The following INO80D variants were observed in gnomAD, a reference collection of about 807,000 sequenced individuals.
INO80D encodes the protein INO80 complex subunit D.
Under a neutral mutation model 87.6 loss-of-function variants are expected in INO80D, and 21 were observed. That is an observed-to-expected ratio of 0.24 (90% CI 0.17 to 0.35). The LOEUF (loss-of-function observed/expected upper bound fraction) is 0.35, where lower values mean the gene tolerates loss of function less well. Ranked by LOEUF, INO80D falls within the 10% of genes least tolerant of loss-of-function variation. The probability of loss-of-function intolerance (pLI) is 1.00; values close to 1 mark genes in which losing one functional copy is unlikely to be tolerated. For synonymous variants in INO80D, 440 were observed against 491.0 expected, an observed-to-expected ratio of 0.90 and a Z score of 1.37; for missense variants, 982 against 1,280.7, an observed-to-expected ratio of 0.77 and a Z score of 3.56.
intron 8 of INO80D, among the ~76,000 whole-genome samples, chr2:206,012,285 G>A (rs1190664293): frequency 2.6e-5 from 4 of 152,162 alleles, no homozygotes; most frequent in Non-Finnish European, 4.4e-5. Flanking sequence ...AGAATCTGGG[G>A]AGCAGTTCTG....
At chr2:206,055,794 CT>C (rs1158388967) in intron 4 of INO80D, among the ~76,000 whole-genome samples, 8 of 152,168 alleles carry the variant, frequency 5.3e-5, no homozygotes, top group East Asian at 1.9e-4. Flanking sequence ...CATATACAGA[CT>C]TTTTTTCTTG....
intron 4 of INO80D, among the ~76,000 whole-genome samples, chr2:206,048,265 G>A (rs1193574201): frequency 2.0e-5 from 3 of 152,094 alleles, no homozygotes; most frequent in African/African-American, 4.8e-5. Flanking sequence ...AAAGGGTCTC[G>A]ATCTGTTGCC....
chr2:206,084,981 A>G (rs1379893327), intron 1 of INO80D, among the ~76,000 whole-genome samples: 6 of 152,064 alleles, frequency 3.9e-5, no homozygotes, highest in African/African-American at 1.4e-4. Flanking sequence ...GGCTGGAGTT[A>G]GCAGCCCCGA....
At chr2:206,027,175 CACAGAG>C (rs1259007024) in intron 6 of INO80D, among the ~76,000 whole-genome samples, 1 of 152,040 alleles carries the variant, frequency 6.6e-6, no homozygotes, top group African/African-American at 2.4e-5. Context: ...CACACACACA[CACAGAG>C]AAAGACTAGA....
intron 8 of INO80D, among the ~76,000 whole-genome samples, chr2:206,016,557 C>A (rs1445640991): frequency 2.0e-5 from 3 of 152,166 alleles, no homozygotes; most frequent in Non-Finnish European, 4.4e-5. Flanking sequence ...GTTGGGAAGG[C>A]ATGATTACAA....
At position 206,062,769 on chromosome 2, in the gene INO80D, CA is replaced by C. The variant is rs771365459; in HGVS notation, c.218+29del. 6 of 1,552,338 alleles carry C rather than the reference CA, an allele frequency of 3.9e-6. No individual in the cohort carries two copies. The highest frequency in any genetic ancestry group is 5.2e-6 in the Non-Finnish European group (6 of 1,147,284). On this transcript the variant is annotated intron_variant, in intron 3 of 10. Transcript: ENST00000403263. The surrounding 1 kb of genome is among the most constrained non-coding windows in gnomAD (Gnocchi z 4.6). ...AAAATTCCAAGCCTGTTAATGAAAT[CA>C]AGGATTGATTCTCATGATTAGCCCT...
rs1690441725 is a variant in INO80D at position 206,085,765 on chromosome 2, C to T, written c.-124+136G>A. 1 of 151,614 alleles carries T rather than the reference C, an allele frequency of 6.6e-6. No individual in the cohort carries two copies. The highest frequency in any genetic ancestry group is 1.5e-5 in the Non-Finnish European group (1 of 67,908). The allele number at this position is 151,614 out of a possible 1,614,324, so 9.4% of individuals were successfully genotyped here. A position where few individuals can be genotyped will look rare whatever the true frequency, so the allele number is the denominator to read the frequency against. ...GCCCCACTCACCCTTTCATTCTCCG[C>T]CCGGGGCCTGGCGTGGGCCGGCGAA... On this transcript the variant is annotated intron_variant, in intron 1 of 10. Transcript: ENST00000403263. This position sits in a 1 kb window ranked among gnomAD's most constrained non-coding sequence, Gnocchi z 4.5.
chr2:206,022,991 G>C (rs1244946005), intron 6 of INO80D, among the ~76,000 whole-genome samples: 1 of 152,152 alleles, frequency 6.6e-6, no homozygotes, highest in Non-Finnish European at 1.5e-5. Flanking sequence ...CTGAGGTCAG[G>C]AGTTCGAGAC....
At chr2:206,018,124 T>A (rs1025820204) in intron 7 of INO80D, among the ~76,000 whole-genome samples, 5 of 152,162 alleles carry the variant, frequency 3.3e-5, no homozygotes, top group Non-Finnish European at 7.4e-5. Flanking sequence ...CCACTTAAAG[T>A]TCCACTTCAT....
intron 1 of INO80D, among the ~76,000 whole-genome samples, chr2:206,071,747 G>A (rs979214918): frequency 2.0e-5 from 3 of 151,160 alleles, no homozygotes; most frequent in Admixed American, 6.7e-5. Context: ...TTTATTTCTC[G>A]AGCTTTTATA....
chr2:206,057,637 C>T (rs1689560239), intron 3 of INO80D, among the ~76,000 whole-genome samples: 1 of 151,894 alleles, frequency 6.6e-6, no homozygotes, highest in South Asian at 2.1e-4. Context: ...CTCTTTCCAG[C>T]TGGAAAGAGT....
At chr2:206,055,507 T>C (rs1442923172) in intron 4 of INO80D, among the ~76,000 whole-genome samples, 1 of 152,232 alleles carries the variant, frequency 6.6e-6, no homozygotes, top group Non-Finnish European at 1.5e-5. Flanking sequence ...AATGCTATGA[T>C]CATTCCTAGA....
Position 205,998,649 on chromosome 2 carries a change from TA to T in INO80D, c.*5718del, listed in dbSNP as rs1265320867. 4.6e-5 allele frequency: 7 copies of T among 152,190 alleles called. No homozygotes were observed. Among genetic ancestry groups the T allele is most frequent in the South Asian group, 4.2e-4 (2 of 4,816 alleles). 9.4% of individuals were successfully genotyped at this position (152,190 alleles called of 1,614,324 possible). A position where few individuals can be genotyped will look rare whatever the true frequency, so the allele number is the denominator to read the frequency against. ...CTCATTGGGGAAGGAAATTTTTAAA[TA>T]AAAGTTTTAAAGCTGTGCGTGATGG... On this transcript the variant is annotated 3_prime_UTR_variant, in exon 11 of 11. Coordinates refer to ENST00000403263, the MANE Select transcript of INO80D (RefSeq NM_017759.5).
At chr2:206,055,140 C>G (rs914714813) in intron 4 of INO80D, among the ~76,000 whole-genome samples, 1 of 152,128 alleles carries the variant, frequency 6.6e-6, no homozygotes, top group Non-Finnish European at 1.5e-5. Flanking sequence ...TATCTCTTCA[C>G]GTTCTATCTT....
At position 206,004,423 on chromosome 2, in the gene INO80D, C is replaced by T. The variant is rs575880302; in HGVS notation, c.3029G>A (p.Gly1010Asp). 13 of 1,604,188 alleles carry T rather than the reference C, an allele frequency of 8.1e-6. No individual in the cohort carries two copies. The South Asian group carries it at 1.5e-4, about 18-fold the overall frequency. Residue 1010 changes from glycine (G) to aspartate (D), a missense_variant, in exon 11 of 11, where the codon GGT (glycine) becomes GAT (aspartate). Coordinates refer to ENST00000403263, the MANE Select transcript of INO80D (RefSeq NM_017759.5). This position sits in a 1 kb window ranked among gnomAD's most constrained non-coding sequence, Gnocchi z 4.9. ...ATTATTGGTACTTGTAGCTGTGGCACCTGTTACTGTGAAGCCTGTAGGAGG... is the reference window on the plus strand; with the variant it reads ...ATTATTGGTACTTGTAGCTGTGGCATCTGTTACTGTGAAGCCTGTAGGAGG... ...IAPPTGFTVT[G>D]ATATSTNNAS... is the part of the protein sequence containing the mutation.
chr2:206,049,754 A>G (rs1689297973), intron 4 of INO80D, among the ~76,000 whole-genome samples: 1 of 152,248 alleles, frequency 6.6e-6, no homozygotes, highest in African/African-American at 2.4e-5. Flanking sequence ...AAGATTACAG[A>G]GTATATGCAT....
At chr2:206,045,007 A>C (rs1689157802) in intron 5 of INO80D, among the ~76,000 whole-genome samples, 1 of 152,214 alleles carries the variant, frequency 6.6e-6, no homozygotes, top group African/African-American at 2.4e-5. Flanking sequence ...CCTCAGTGTA[A>C]GAAAAAAAGG....
At chr2:206,016,002 G>A (rs1279709381) in intron 8 of INO80D, among the ~76,000 whole-genome samples, 1 of 152,188 alleles carries the variant, frequency 6.6e-6, no homozygotes, top group Admixed American at 6.5e-5. Context: ...GTGGGTGGGA[G>A]CCTCCACACA....
intron 5 of INO80D, among the ~76,000 whole-genome samples, chr2:206,033,786 A>C (rs190482833): frequency 3.9e-5 from 6 of 152,304 alleles, no homozygotes; most frequent in East Asian, 3.9e-4. Context: ...AAAATACAAA[A>C]GATAAATGAA....
Sources: gnomAD v4.1 joint callset for allele counts (sites outside exome capture counted in the v4.1 genomes callset) on GRCh38, gnomAD v4.1.1 for gene constraint, Gnocchi (gnomAD v3.1) non-coding constraint, MANE v1.5 for transcripts, NCBI Gene and HGNC (gene_info 2026-07-23, HGNC 2026-07-21) for gene names.